CAPN14: variants seen among roughly 807,000 people sequenced by gnomAD.
The protein encoded by CAPN14 is calpain-14.
In CAPN14, 94 loss-of-function variants were observed where a neutral mutation model predicts 101.3. That is an observed-to-expected ratio of 0.93 (90% CI 0.79 to 1.10). The LOEUF (loss-of-function observed/expected upper bound fraction) is 1.10. Ranked by LOEUF, CAPN14 falls within the 50% of genes least tolerant of loss-of-function variation. The pLI, the probability that CAPN14 is intolerant of heterozygous loss-of-function variation, is 0.00. For missense variants in CAPN14, 837 were observed against 828.4 expected (o/e 1.01, Z -0.13); for synonymous variants, 338 against 317.9 (o/e 1.06, Z -0.67).
At chr2:31,227,799 G>A (rs977475954) in intron 1 of CAPN14, among the ~76,000 whole-genome samples, 4 of 152,234 alleles carry the variant, frequency 2.6e-5, no homozygotes, top group African/African-American at 4.8e-5. Context: ...GGCTGAAGAC[G>A]TGCCCTGTCT....
At chr2:31,176,891 G>T in intron 20 of CAPN14, 135 bp downstream of exon 20, 1 of 718,040 alleles carries the variant, frequency 1.4e-6, no homozygotes, top group Non-Finnish European at 2.4e-6. Flanking sequence ...CACTTGGCTG[G>T]AGGTCCCCAC....
At chr2:31,190,196 A>T (rs1681110463) in intron 12 of CAPN14, among the ~76,000 whole-genome samples, 1 of 135,854 alleles carries the variant, frequency 7.4e-6, no homozygotes, top group African/African-American at 2.9e-5. Context: ...ATCTCTCCCT[A>T]TTTTTCTCTC....
intron 1 of CAPN14, among the ~76,000 whole-genome samples, chr2:31,208,345 C>T (rs1682213615): frequency 6.6e-6 from 1 of 152,156 alleles, no homozygotes; most frequent in African/African-American, 2.4e-5. Context: ...GCCTTTACAA[C>T]AATCTTTATT....
At chr2:31,190,017 C>T (rs1037588935) in intron 12 of CAPN14, among the ~76,000 whole-genome samples, 19 of 152,182 alleles carry the variant, frequency 1.2e-4, no homozygotes, top group African/African-American at 3.6e-4. Flanking sequence ...CTGGACATTC[C>T]GCATCATCTC....
intron 16 of CAPN14, among the ~76,000 whole-genome samples, chr2:31,181,445 T>TC (rs1403308191): frequency 1.5e-5 from 2 of 129,266 alleles, no homozygotes; most frequent in African/African-American, 3.0e-5. Flanking sequence ...TTTCTTTCTT[T>TC]TTCTTTCTTT....
intron 1 of CAPN14, 132 bp from the exon 2 acceptor site, chr2:31,205,631 G>A: frequency 1.6e-6 from 1 of 625,692 alleles, no homozygotes; most frequent in Non-Finnish European, 2.9e-6. Context: ...GAAGCAGGTG[G>A]TTCGATTTTG....
intron 16 of CAPN14, among the ~76,000 whole-genome samples, chr2:31,186,099 T>A (rs1217496385): frequency 2.6e-5 from 4 of 152,220 alleles, no homozygotes; most frequent in Non-Finnish European, 5.9e-5. Context: ...GTTGAGGAAA[T>A]GGGTGCAGTT....
Position 31,191,501 on chromosome 2 carries a change from C to T in CAPN14, c.1279-94G>A, listed in dbSNP as rs1203207311. The T allele has an allele frequency of 2.2e-5, 27 of 1,251,710 alleles. 1 individual carries two copies. The highest frequency in any genetic ancestry group is 1.1e-4 in the African/African-American group (7 of 65,172). 77.5% of individuals were successfully genotyped at this position (1,251,710 alleles called of 1,614,324 possible). On this transcript the variant is annotated intron_variant, in intron 11 of 21. Coordinates refer to ENST00000403897, the MANE Select transcript of CAPN14 (RefSeq NM_001145122.2). ...TCTGGCTCTTTCATAAACCGAAACC[C>T]GAATAGAAGCTGATATACAAGGCTC...
chr2:31,179,972 G>C (rs1326037597), intron 17 of CAPN14, among the ~76,000 whole-genome samples: 1 of 152,170 alleles, frequency 6.6e-6, no homozygotes, highest in Non-Finnish European at 1.5e-5. Flanking sequence ...TTAAAAACCA[G>C]CTTATGGAAG....
intron 10 of CAPN14, among the ~76,000 whole-genome samples, chr2:31,192,650 C>G (rs1473496611): frequency 6.6e-6 from 1 of 152,142 alleles, no homozygotes; most frequent in Non-Finnish European, 1.5e-5. Flanking sequence ...GGAGTCCAGA[C>G]AGGTTTGTCT....
At chr2:31,229,509 C>T (rs1182441771) in intron 1 of CAPN14, among the ~76,000 whole-genome samples, 1 of 151,832 alleles carries the variant, frequency 6.6e-6, no homozygotes. Flanking sequence ...AACTCCATCT[C>T]TACTAAAAAT....
Position 31,230,687 on chromosome 2 carries a change from A to C in CAPN14, c.-177+3104T>G, listed in dbSNP as rs1281374707. ...TGTAGCTCTTGCCAAGTTTTTTTCT[A>C]TTGGAATGTTTGTCTTTGTTATCGA... On this transcript the variant is annotated intron_variant and NMD_transcript_variant, in intron 1 of 21. Coordinates refer to the CAPN14 transcript ENST00000398824. The surrounding 1 kb of genome is among the most constrained non-coding windows in gnomAD (Gnocchi z 4.3). Among the ~76,000 whole-genome samples the C allele has an allele frequency of 3.9e-5, 6 of 152,018 alleles. No homozygotes were observed. The highest frequency in any genetic ancestry group is 1.5e-4 in the African/African-American group (6 of 41,356).
At chr2:31,217,177 T>C (rs900124106) in intron 1 of CAPN14, among the ~76,000 whole-genome samples, 2 of 152,088 alleles carry the variant, frequency 1.3e-5, no homozygotes, top group Admixed American at 1.3e-4. Flanking sequence ...CCTCAGAAAT[T>C]ACCCAGGCCC....
chr2:31,209,786 A>C (rs1223240195), intron 1 of CAPN14, among the ~76,000 whole-genome samples: 1 of 152,180 alleles, frequency 6.6e-6, no homozygotes. Context: ...TCTGTATTCC[A>C]TCATGCCATG....
chr2:31,201,117 G>GCA (rs1681740874), intron 5 of CAPN14, among the ~76,000 whole-genome samples: 1 of 151,260 alleles, frequency 6.6e-6, no homozygotes, highest in Non-Finnish European at 1.5e-5. Context: ...ATGTGCGTGT[G>GCA]TGTGCATGTG....
intron 10 of CAPN14, among the ~76,000 whole-genome samples, chr2:31,192,650 C>T (rs1473496611): frequency 6.6e-6 from 1 of 152,142 alleles, no homozygotes; most frequent in African/African-American, 2.4e-5. Context: ...GGAGTCCAGA[C>T]AGGTTTGTCT....
At chr2:31,195,472 G>T (rs1045216229) in intron 8 of CAPN14, among the ~76,000 whole-genome samples, 1 of 152,166 alleles carries the variant, frequency 6.6e-6, no homozygotes, top group African/African-American at 2.4e-5. Context: ...AAACAGCTGG[G>T]ATTACAGGCA....
At chr2:31,221,267 G>T (rs1682854627), upstream of CAPN14, among the ~76,000 whole-genome samples, 1 of 152,200 alleles carries the variant, frequency 6.6e-6, no homozygotes, top group African/African-American at 2.4e-5. Flanking sequence ...CAAATAATTT[G>T]AGTGAATTCT....
chr2:31,225,847 A>G (rs1683007026), intron 2 of CAPN14, among the ~76,000 whole-genome samples: 1 of 152,112 alleles, frequency 6.6e-6, no homozygotes, highest in Non-Finnish European at 1.5e-5. Flanking sequence ...AAATTTTCAT[A>G]ATTACTTTTC....
Sources: allele counts gnomAD v4.1 joint callset (sites outside exome capture counted in the v4.1 genomes callset), GRCh38; gene constraint gnomAD v4.1.1; non-coding constraint Gnocchi (gnomAD v3.1); transcripts MANE v1.5; gene names NCBI Gene and HGNC (gene_info 2026-07-23, HGNC 2026-07-21).